WDR35: variants seen among roughly 807,000 people sequenced by gnomAD.
WDR35 encodes the protein WD repeat domain 35.
A neutral mutation model predicts 158.3 loss-of-function variants in WDR35; 118 were observed. The observed-to-expected ratio is 0.75, with a 90% confidence interval of 0.64 to 0.87. The LOEUF is 0.87. WDR35 is among the 40% of genes least tolerant of loss of function. The pLI is 0.00. For synonymous variants in WDR35, 448 were observed against 476.1 expected (o/e 0.94, Z 0.77); for missense variants, 1,263 against 1,405.8 (o/e 0.90, Z 1.62).
At chr2:19,917,945 T>C (rs113693232) in intron 25 of WDR35, among the ~76,000 whole-genome samples, 3 of 152,048 alleles carry the variant, frequency 2.0e-5, no homozygotes, top group African/African-American at 4.8e-5. Context: ...TATTGTCAGA[T>C]TCACCAAGGT....
At position 19,933,521 on chromosome 2, in the gene WDR35, CA is replaced by C. The variant is rs1558329653; in HGVS notation, c.2548-11del. The C allele has an allele frequency of 6.2e-7, 1 of 1,600,616 alleles. No individual in the cohort carries two copies. The highest frequency in any genetic ancestry group is 1.1e-5 in the South Asian group (1 of 90,842). On this transcript the variant is annotated splice_polypyrimidine_tract_variant and intron_variant, in intron 21 of 26. Coordinates refer to ENST00000281405, the MANE Select transcript of WDR35 (RefSeq NM_020779.4). ...ACATTTGTGCTATTTCCTGTACAAACAAAACAATACTATCAGATTTCACAGA... is the reference window on the plus strand; with the variant it reads ...ACATTTGTGCTATTTCCTGTACAAACAAACAATACTATCAGATTTCACAGA...
intron 17 of WDR35, among the ~76,000 whole-genome samples, chr2:19,939,502 T>C (rs1027244453): frequency 3.3e-5 from 5 of 152,280 alleles, no homozygotes; most frequent in African/African-American, 1.2e-4. Flanking sequence ...TAGAATTCCT[T>C]TAAACTCACT....
chr2:19,932,485 T>A (rs1303063943), intron 22 of WDR35, 38 bp from the exon 23 acceptor site: 1 of 1,611,734 alleles, frequency 6.2e-7, no homozygotes, highest in Non-Finnish European at 8.5e-7. Context: ...ACCCAAGTAT[T>A]TACAGTCACA....
chr2:19,974,345 G>A (rs1036157135), intron 7 of WDR35, 123 bp downstream of exon 7: 6 of 1,000,688 alleles, frequency 6.0e-6, no homozygotes, highest in Non-Finnish European at 8.6e-6. Flanking sequence ...GGAGGCAGAA[G>A]TTGCCGTGAG....
chr2:19,954,203 T>C (rs1194506569), intron 11 of WDR35, among the ~76,000 whole-genome samples: 2 of 152,180 alleles, frequency 1.3e-5, no homozygotes, highest in African/African-American at 4.8e-5. Context: ...ACTCAAATGC[T>C]AAAACCATAA....
intron 11 of WDR35, among the ~76,000 whole-genome samples, chr2:19,958,716 T>A (rs922090216): frequency 2.6e-5 from 4 of 152,098 alleles, no homozygotes; most frequent in Non-Finnish European, 5.9e-5. Flanking sequence ...AAGTTCAAAG[T>A]CTAGTGGGGA....
intron 9 of WDR35, among the ~76,000 whole-genome samples, chr2:19,968,185 A>G (rs1671919370): frequency 6.6e-6 from 1 of 152,208 alleles, no homozygotes; most frequent in Non-Finnish European, 1.5e-5. Context: ...TTATCATGCC[A>G]TATCAGGGGG....
intron 25 of WDR35, among the ~76,000 whole-genome samples, chr2:19,929,543 T>G (rs1670463354): frequency 6.6e-6 from 1 of 152,208 alleles, no homozygotes. Context: ...ATAATTACAC[T>G]CTCTGGAGTT....
intron 19 of WDR35, 132 bp downstream of exon 19, chr2:19,937,611 G>A: frequency 2.5e-6 from 3 of 1,208,432 alleles, no homozygotes; most frequent in Non-Finnish European, 3.6e-6. Context: ...TATCTAGGTT[G>A]TAATCCAAAC....
rs778613849 is a variant in WDR35 at position 19,945,887 on chromosome 2, G to A, written c.1744C>T (p.Arg582Ter). ...CACTTCATATCCCAGACATCTCTTC[G>A]TTCCAATTTTAACAACTCTCCAACT... is the stretch of plus-strand genomic sequence containing the variant. ...QVVGELLKLE[R>*]RDVWDMKWAK... The change falls in exon 16 of 27, where the codon CGA (arginine) becomes TGA (stop). Residue 582 changes from arginine to a stop codon, truncating the protein, a stop_gained. Coordinates refer to ENST00000281405, the MANE Select transcript of WDR35 (RefSeq NM_020779.4). LOFTEE classifies it high-confidence loss of function. The A allele has an allele frequency of 2.5e-5, 41 of 1,613,672 alleles. No homozygotes were observed. Among genetic ancestry groups the A allele is most frequent in the African/African-American group, 6.7e-5 (5 of 74,812 alleles).
intron 4 of WDR35, 115 bp from the exon 5 acceptor site, chr2:19,978,994 T>C (rs1672301508): frequency 1.5e-6 from 2 of 1,320,252 alleles, no homozygotes; most frequent in South Asian, 2.5e-5. Context: ...TGCAAAGTTT[T>C]CTACAACCTG....
intron 13 of WDR35, 147 bp from the exon 14 acceptor site, chr2:19,948,364 C>T (rs1671125082): frequency 1.5e-6 from 1 of 669,934 alleles, no homozygotes; most frequent in South Asian, 2.0e-5. Flanking sequence ...TATGTGCCAA[C>T]CACTGAACTA....
At chr2:19,952,316 G>C (rs1023441207) in intron 12 of WDR35, among the ~76,000 whole-genome samples, 1 of 152,156 alleles carries the variant, frequency 6.6e-6, no homozygotes, top group African/African-American at 2.4e-5. Flanking sequence ...AATGAGCACT[G>C]ATTAGATTTA....
intron 10 of WDR35, among the ~76,000 whole-genome samples, chr2:19,961,648 C>T (rs1671663260): frequency 6.6e-6 from 1 of 152,154 alleles, no homozygotes; most frequent in Non-Finnish European, 1.5e-5. Context: ...GGAAGTGGTC[C>T]AGTCAAAGCA....
At chr2:19,942,298 T>G (rs770234266) in intron 16 of WDR35, among the ~76,000 whole-genome samples, 2 of 152,198 alleles carry the variant, frequency 1.3e-5, no homozygotes, top group South Asian at 2.1e-4. Context: ...TATATTTGTA[T>G]GTAAGCCCAT....
chr2:19,984,420 G>A (rs928921050), intron 2 of WDR35, among the ~76,000 whole-genome samples: 2 of 152,200 alleles, frequency 1.3e-5, no homozygotes, highest in Non-Finnish European at 2.9e-5. Flanking sequence ...TAGCCAATAA[G>A]GTAATGAAAC....
chr2:19,964,963 G>A (rs546150937), intron 10 of WDR35, among the ~76,000 whole-genome samples: 3 of 149,950 alleles, frequency 2.0e-5, no homozygotes, highest in East Asian at 4.0e-4. Flanking sequence ...TCTCACTTTC[G>A]CCCAGGTTGG....
At chr2:19,933,374 G>A (rs751536884) in intron 22 of WDR35, 27 bp downstream of exon 22, 1 of 1,574,054 alleles carries the variant, frequency 6.4e-7, no homozygotes, top group Non-Finnish European at 8.7e-7. Flanking sequence ...ACAATAAGCT[G>A]CACAGACAGA....
In WDR35 at chr2:19,948,172, A is replaced by G. The variant is rs1352319560; in HGVS notation, c.1516T>C (p.Leu506=). 2 of 1,608,526 alleles carry G rather than the reference A, an allele frequency of 1.2e-6. No individual in the cohort carries two copies. Among genetic ancestry groups the G allele is most frequent in the Non-Finnish European group, 1.7e-6 (2 of 1,178,112 alleles). Reference sequence around the variant, plus strand: ...GTTTTTGCAAAACTTACCACAATCAATATCTTATCTGATGCAGTTATGGCA... The same window carrying G: ...GTTTTTGCAAAACTTACCACAATCAGTATCTTATCTGATGCAGTTATGGCA... ...ICAITASDKI[L]IVGRESGTIQ... The change falls in exon 14 of 27, where the codon TTG becomes CTG. Residue 506 remains leucine (L), a synonymous_variant. Transcript: ENST00000281405.
Sources: gnomAD v4.1 joint callset for allele counts (sites outside exome capture counted in the v4.1 genomes callset) on GRCh38, gnomAD v4.1.1 for gene constraint, MANE v1.5 for transcripts, NCBI Gene and HGNC (gene_info 2026-07-23, HGNC 2026-07-21) for gene names.